The following AHCYL2 variants were observed in gnomAD, a reference collection of about 807,000 sequenced individuals.
AHCYL2 encodes the protein S-adenosylhomocysteine hydrolase-like protein 2.
In AHCYL2, 28 loss-of-function variants were observed where a neutral mutation model predicts 81.4. The ratio of observed to expected loss-of-function variants is 0.34; its 90% CI spans 0.25 to 0.47. AHCYL2 has a LOEUF of 0.47. Among genes scored for constraint, AHCYL2 ranks in the 20% least tolerant of loss-of-function variants. AHCYL2 has a pLI of 1.00. For synonymous variants in AHCYL2, 272 were observed against 290.2 expected (o/e 0.94, Z 0.64); for missense variants, 551 against 785.1 (o/e 0.70, Z 3.56).
chr7:129,272,674 G>A (rs1796061186), intron 1 of AHCYL2, among the ~76,000 whole-genome samples: 1 of 152,128 alleles, frequency 6.6e-6, no homozygotes, highest in Non-Finnish European at 1.5e-5. Flanking sequence ...CATAGAAAAT[G>A]TATCTAATGA....
At chr7:129,288,870 A>G (rs1237497461) in intron 1 of AHCYL2, among the ~76,000 whole-genome samples, 1 of 151,606 alleles carries the variant, frequency 6.6e-6, no homozygotes, top group Non-Finnish European at 1.5e-5. Context: ...CCTGGGCTCA[A>G]TTGATCTTCC....
chr7:129,373,040 G>A (rs1014868160), intron 1 of AHCYL2, among the ~76,000 whole-genome samples: 3 of 152,052 alleles, frequency 2.0e-5, no homozygotes, highest in Admixed American at 6.6e-5. Context: ...TAGCATCAGC[G>A]TCTCCCGGGG....
In AHCYL2 at chr7:129,241,268, G is replaced by A. The variant is rs537291570; in HGVS notation, c.363+15829G>A. ...TATTTTCTCTTGTTGCCTGGCACAC[G>A]TATATGTATTCCTTTGACTAAACCT... On this transcript the variant is annotated intron_variant, in intron 1 of 16. Transcript: ENST00000325006. Among the ~76,000 whole-genome samples, 5 of 152,290 alleles carry A rather than the reference G, an allele frequency of 3.3e-5. No individual in the cohort carries two copies. The South Asian group carries it at 1.0e-3, about 32-fold the overall frequency.
rs189678178 is a variant in AHCYL2 at position 129,312,145 on chromosome 7, C to T, written c.364-67493C>T. Among the ~76,000 whole-genome samples the T allele has an allele frequency of 2.6e-3, 395 of 151,788 alleles. 3 individuals carry two copies. Among genetic ancestry groups the T allele is most frequent in the African/African-American group, 8.8e-3 (366 of 41,396 alleles). ...CTGGGACCAGGCTGGAGTGCAGTGGCGTGATCACGGCTCACTGTAGTCTCT... is the reference window on the plus strand; with the variant it reads ...CTGGGACCAGGCTGGAGTGCAGTGGTGTGATCACGGCTCACTGTAGTCTCT... On this transcript the variant is annotated intron_variant, in intron 1 of 16. Transcript: ENST00000325006.
chr7:129,404,882 C>A (rs1401253010), intron 7 of AHCYL2, among the ~76,000 whole-genome samples: 1 of 152,108 alleles, frequency 6.6e-6, no homozygotes, highest in Non-Finnish European at 1.5e-5. Flanking sequence ...GGATTTCCCC[C>A]ACATGACTTT....
intron 1 of AHCYL2, among the ~76,000 whole-genome samples, chr7:129,240,053 G>A (rs1794792721): frequency 6.6e-6 from 1 of 152,056 alleles, no homozygotes; most frequent in Non-Finnish European, 1.5e-5. Context: ...GAGAAACCCT[G>A]TCTCTACTAA....
chr7:129,276,744 A>AG (rs2150734603), intron 1 of AHCYL2, among the ~76,000 whole-genome samples: 1 of 151,310 alleles, frequency 6.6e-6, no homozygotes, highest in Admixed American at 6.6e-5. Context: ...CTCAAAAAAA[A>AG]AAAAAAAGAA....
chr7:129,230,149 C>G (rs1451733709), intron 1 of AHCYL2, among the ~76,000 whole-genome samples: 1 of 134,182 alleles, frequency 7.5e-6, no homozygotes, highest in Non-Finnish European at 1.5e-5. Context: ...CAGTGGCGAT[C>G]TCGGCTCACT....
In AHCYL2 at chr7:129,403,412, A is replaced by T. The variant is rs1207423338; in HGVS notation, c.952A>T (p.Ile318Phe). 6.2e-7 allele frequency: 1 copy of T among 1,611,558 alleles called. No homozygotes were observed. The highest frequency in any genetic ancestry group is 2.2e-5 in the East Asian group (1 of 44,674). Residue 318 changes from isoleucine to phenylalanine, a missense_variant, in exon 7 of 17, where the codon ATT (isoleucine) becomes TTT (phenylalanine). Physicochemically the swap from Ile to Phe is conservative, Grantham distance 21. Around this residue, in one of 2 missense-constraint regions of AHCYL2, gnomAD observed 316 missense variants for 543.1 expected, o/e 0.58. Transcript: ENST00000325006. ...LDDGGDLTHW[I>F]YKKYPNMFKK... ...TGATGGAGGGGATCTTACCCACTGG[A>T]TTTATAAAAAGTATCCCAACATGTT...
chr7:129,409,168 G>T (rs927982070), intron 10 of AHCYL2, among the ~76,000 whole-genome samples: 5 of 152,128 alleles, frequency 3.3e-5, no homozygotes, highest in Non-Finnish European at 7.4e-5. Flanking sequence ...ATCTTGGAGA[G>T]AGCAGTTTCA....
At chr7:129,376,450 T>A (rs1794694120) in intron 1 of AHCYL2, among the ~76,000 whole-genome samples, 1 of 152,232 alleles carries the variant, frequency 6.6e-6, no homozygotes, top group Non-Finnish European at 1.5e-5. Context: ...TAGAACCCTA[T>A]GTTCTAAGTG....
rs535191802 is a variant in AHCYL2 at position 129,246,081 on chromosome 7, C to T, written c.363+20642C>T. 3.0e-3 allele frequency among the ~76,000 whole-genome samples: 438 copies of T among 147,346 alleles called. 4 individuals carry two copies. The highest frequency in any genetic ancestry group is 0.01 in the African/African-American group (406 of 39,940). On this transcript the variant is annotated intron_variant, in intron 1 of 16. Transcript: ENST00000325006. ...GGATTTGTTTTTTTTTTTTTTGAGA[C>T]GGAGTTTCACTCTTGTTGCCCAGGA... is the stretch of plus-strand genomic sequence containing the variant.
intron 1 of AHCYL2, among the ~76,000 whole-genome samples, chr7:129,246,084 A>T (rs1795046165): frequency 6.8e-6 from 1 of 146,048 alleles, no homozygotes; most frequent in South Asian, 2.1e-4. Context: ...TTTGAGACGG[A>T]GTTTCACTCT....
intron 1 of AHCYL2, among the ~76,000 whole-genome samples, chr7:129,376,766 C>T (rs1438531966): frequency 2.6e-5 from 4 of 152,134 alleles, no homozygotes; most frequent in Non-Finnish European, 2.9e-5. Flanking sequence ...ATCTGAAACA[C>T]GGTTTATCTA....
At chr7:129,258,390 T>C (rs1409709686) in intron 1 of AHCYL2, among the ~76,000 whole-genome samples, 3 of 152,128 alleles carry the variant, frequency 2.0e-5, no homozygotes, top group Admixed American at 6.5e-5. Flanking sequence ...CATGATATCC[T>C]TCTTAGAAGA....
chr7:129,234,190 A>G (rs554712938), intron 1 of AHCYL2, among the ~76,000 whole-genome samples: 1 of 152,242 alleles, frequency 6.6e-6, no homozygotes, highest in South Asian at 2.1e-4. Context: ...AGCTGGGACT[A>G]TAGGTGCATG....
At chr7:129,371,786 C>T (rs1584840601) in intron 1 of AHCYL2, among the ~76,000 whole-genome samples, 1 of 152,190 alleles carries the variant, frequency 6.6e-6, no homozygotes, top group African/African-American at 2.4e-5. Context: ...GGTTGATTGA[C>T]TTTCATGAGT....
At chr7:129,390,347 T>G (rs1795407589) in intron 4 of AHCYL2, among the ~76,000 whole-genome samples, 1 of 152,208 alleles carries the variant, frequency 6.6e-6, no homozygotes, top group Admixed American at 6.5e-5. Flanking sequence ...TGCATCATTT[T>G]ATATAAGGGA....
chr7:129,245,084 G>A (rs1795001910), intron 1 of AHCYL2, among the ~76,000 whole-genome samples: 1 of 149,006 alleles, frequency 6.7e-6, no homozygotes, highest in South Asian at 2.1e-4. Flanking sequence ...GAGTGCAGTG[G>A]CACAGTCTCG....
Sources: gnomAD v4.1 joint callset for allele counts (sites outside exome capture counted in the v4.1 genomes callset) on GRCh38, gnomAD v4.1.1 for gene constraint, gnomAD v4.1.1 regional missense constraint, MANE v1.5 for transcripts, NCBI Gene and HGNC (gene_info 2026-07-23, HGNC 2026-07-21) for gene names.